ARHGAP26: variants seen among roughly 807,000 people sequenced by gnomAD.
ARHGAP26 encodes Rho GTPase activating protein 26.
In ARHGAP26, 38 loss-of-function variants were observed where a neutral mutation model predicts 104.8. That is an observed-to-expected ratio of 0.36 (90% CI 0.28 to 0.48). The LOEUF (loss-of-function observed/expected upper bound fraction) is 0.48, where lower values mean the gene tolerates loss of function less well. Ranked by LOEUF, ARHGAP26 falls within the 20% of genes least tolerant of loss-of-function variation. The pLI, the probability that ARHGAP26 is intolerant of heterozygous loss-of-function variation, is 0.99. For missense variants in ARHGAP26, 704 were observed against 947.9 expected, an observed-to-expected ratio of 0.74 and a Z score of 3.38; for synonymous variants, 341 against 340.0, an observed-to-expected ratio of 1.00 and a Z score of -0.03.
At chr5:142,990,839 G>A (rs1191086549) in intron 11 of ARHGAP26, among the ~76,000 whole-genome samples, 1 of 152,084 alleles carries the variant, frequency 6.6e-6, no homozygotes, top group Non-Finnish European at 1.5e-5. Context: ...ATCTCAGAGG[G>A]GCATCTGGCT....
At chr5:142,810,769 T>C (rs1763919364) in intron 1 of ARHGAP26, among the ~76,000 whole-genome samples, 1 of 152,226 alleles carries the variant, frequency 6.6e-6, no homozygotes, top group South Asian at 2.1e-4. Context: ...TTGTTCTTTT[T>C]GAAGGGACAC....
At chr5:142,879,522 G>A in intron 4 of ARHGAP26, 77 bp downstream of exon 4, 1 of 1,326,124 alleles carries the variant, frequency 7.5e-7, no homozygotes, top group Admixed American at 2.4e-5. Flanking sequence ...TTAAAACAAA[G>A]TCTTCAGAAA....
At chr5:142,864,440 G>A (rs905063128) in intron 1 of ARHGAP26, among the ~76,000 whole-genome samples, 14 of 152,174 alleles carry the variant, frequency 9.2e-5, no homozygotes, top group Admixed American at 8.5e-4. Context: ...GTCCATCCGG[G>A]TTTTGCCTTG....
chr5:142,974,584 G>A (rs1375809449), intron 11 of ARHGAP26, among the ~76,000 whole-genome samples: 3 of 152,172 alleles, frequency 2.0e-5, no homozygotes, highest in Non-Finnish European at 4.4e-5. Flanking sequence ...CTCATGTAAA[G>A]TGTTTGTGGT....
chr5:142,798,913 A>T (rs439177), intron 1 of ARHGAP26, among the ~76,000 whole-genome samples: 17,261 of 152,190 alleles, frequency 0.11, 1,215 homozygotes, highest in East Asian at 0.24. Flanking sequence ...GAGCCCCTTC[A>T]TCCACCAGGC....
Position 143,186,796 on chromosome 5 carries a change from T to C in ARHGAP26, c.1989-20402T>C, listed in dbSNP as rs1805210645. ...TGCAGACACAGTGACAGGGCTGTGC[T>C]AAGACAGGAAGTAATCCTAGAATGA... On this transcript the variant is annotated intron_variant, in intron 20 of 22. Transcript: ENST00000645722. 2.6e-5 allele frequency among the ~76,000 whole-genome samples: 4 copies of C among 152,230 alleles called. No individual in the cohort carries two copies. In the South Asian group the frequency reaches 8.3e-4, roughly 31 times the overall value.
chr5:143,095,960 T>C (rs1378471505), intron 17 of ARHGAP26, among the ~76,000 whole-genome samples: 1 of 152,260 alleles, frequency 6.6e-6, no homozygotes, highest in Non-Finnish European at 1.5e-5. Flanking sequence ...ATATTTTTAG[T>C]AGCCTTTTCA....
intron 1 of ARHGAP26, among the ~76,000 whole-genome samples, chr5:142,805,372 G>A (rs1219845970): frequency 6.6e-6 from 1 of 152,158 alleles, no homozygotes; most frequent in Non-Finnish European, 1.5e-5. Context: ...AAAGTGCTGG[G>A]ATTACAGGTG....
intron 17 of ARHGAP26, among the ~76,000 whole-genome samples, chr5:143,068,515 T>C (rs771977236): frequency 2.0e-5 from 3 of 152,252 alleles, no homozygotes; most frequent in Non-Finnish European, 2.9e-5. Flanking sequence ...CTAGAGCCGA[T>C]TGACTCCCCG....
intron 17 of ARHGAP26, among the ~76,000 whole-genome samples, chr5:143,091,692 A>AAGATTTTTAT (rs1791455379): frequency 6.6e-6 from 1 of 152,234 alleles, no homozygotes; most frequent in Non-Finnish European, 1.5e-5. Context: ...ACCATAAGGT[A>AAGATTTTTAT]AGATTTTTAT....
chr5:143,156,627 G>A (rs1800492969), intron 20 of ARHGAP26, among the ~76,000 whole-genome samples: 1 of 152,228 alleles, frequency 6.6e-6, no homozygotes, highest in East Asian at 1.9e-4. Context: ...TAGTGATCTA[G>A]TGCGTTAAGC....
intron 17 of ARHGAP26, among the ~76,000 whole-genome samples, chr5:143,068,421 ACCTGTGCCTATGTTTCTGCCATCTCT>A (rs1242084762): frequency 6.6e-6 from 1 of 151,940 alleles, no homozygotes; most frequent in Non-Finnish European, 1.5e-5. Flanking sequence ...CAATATCCAC[ACCTGTGCCTATGTTTCTGCCATCTCT>A]CCTGTGCGAC....
At chr5:142,882,401 A>G (rs1757131866) in intron 4 of ARHGAP26, among the ~76,000 whole-genome samples, 1 of 152,248 alleles carries the variant, frequency 6.6e-6, no homozygotes, top group African/African-American at 2.4e-5. Flanking sequence ...AGATACACAC[A>G]GTTCATTTGT....
chr5:142,855,224 G>T (rs993590005), intron 1 of ARHGAP26, among the ~76,000 whole-genome samples: 7 of 152,194 alleles, frequency 4.6e-5, no homozygotes, highest in African/African-American at 1.7e-4. Flanking sequence ...ATTACAGAAA[G>T]AAAGGGCAGG....
intron 1 of ARHGAP26, among the ~76,000 whole-genome samples, chr5:142,833,590 G>T (rs1199310848): frequency 3.9e-5 from 6 of 152,026 alleles, no homozygotes; most frequent in Non-Finnish European, 7.4e-5. Context: ...CCTTGAAGTG[G>T]AATTACTTGG....
At position 142,866,035 on chromosome 5, in the gene ARHGAP26, C is replaced by T. The variant is rs1306190350; in HGVS notation, c.155-7365C>T. 1.1e-4 allele frequency among the ~76,000 whole-genome samples: 16 copies of T among 144,162 alleles called. No homozygotes were observed. The East Asian group carries it at 2.0e-3, about 18-fold the overall frequency. The allele number at this position is 144,162 out of a possible 152,430, so 94.6% of individuals were successfully genotyped here. On this transcript the variant is annotated intron_variant, in intron 1 of 22. Transcript: ENST00000645722. ...CTACTCCCTGTTCTTTTTCTTTTTTCTTTTTTTTTTTTTGGAAGCCCCCTC... is the reference window on the plus strand; with the variant it reads ...CTACTCCCTGTTCTTTTTCTTTTTTTTTTTTTTTTTTTTGGAAGCCCCCTC...
chr5:142,808,521 T>G (rs901191007), intron 1 of ARHGAP26, among the ~76,000 whole-genome samples: 1 of 152,104 alleles, frequency 6.6e-6, no homozygotes, highest in Admixed American at 6.5e-5. Flanking sequence ...GTCACTCACT[T>G]TTGGTAACAC....
rs538675268 is a variant in ARHGAP26 at position 142,852,567 on chromosome 5, A to G, written c.155-20833A>G. Among the ~76,000 whole-genome samples the G allele has an allele frequency of 4.3e-4, 65 of 152,326 alleles. No homozygotes were observed. The South Asian group carries it at 0.013, about 30-fold the overall frequency. On this transcript the variant is annotated intron_variant, in intron 1 of 22. Coordinates refer to ENST00000645722, the MANE Select transcript of ARHGAP26 (RefSeq NM_001135608.3). Reference sequence around the variant, plus strand: ...ATTAATATGGATGCCTATGGCTTGTAACAGTCGGGATTTCTGTTCACATCT... The same window carrying G: ...ATTAATATGGATGCCTATGGCTTGTGACAGTCGGGATTTCTGTTCACATCT...
intron 10 of ARHGAP26, among the ~76,000 whole-genome samples, chr5:142,917,866 T>G (rs1762702775): frequency 6.6e-6 from 1 of 152,148 alleles, no homozygotes; most frequent in Admixed American, 6.5e-5. Flanking sequence ...GACACTCTTT[T>G]TTTTTTTAAT....
Sources: gnomAD v4.1 joint callset for allele counts (sites outside exome capture counted in the v4.1 genomes callset) on GRCh38, gnomAD v4.1.1 for gene constraint, MANE v1.5 for transcripts, NCBI Gene and HGNC (gene_info 2026-07-23, HGNC 2026-07-21) for gene names.